Variants in CCDC144A observed in about 807,000 individuals in gnomAD.
The protein encoded by CCDC144A is coiled-coil domain-containing protein 144A.
Under a neutral mutation model 143.8 loss-of-function variants are expected in CCDC144A, and 41 were observed. That is an observed-to-expected ratio of 0.29 (90% CI 0.22 to 0.37). The LOEUF is 0.37. CCDC144A is among the 10% of genes least tolerant of loss of function. The pLI is 1.00. For synonymous variants in CCDC144A, 242 were observed against 517.9 expected, an observed-to-expected ratio of 0.47 and a Z score of 7.23; for missense variants, 637 against 1,488.8, an observed-to-expected ratio of 0.43 and a Z score of 9.41.
At position 16,758,942 on chromosome 17, in the gene CCDC144A, A is replaced by G. The variant is rs534238047; in HGVS notation, c.3373-2483A>G. Among the ~76,000 whole-genome samples, 3 of 152,358 alleles carry G rather than the reference A, an allele frequency of 2.0e-5. No individual in the cohort carries two copies. In the South Asian group the frequency reaches 6.2e-4, roughly 32 times the overall value. Reference sequence around the variant, plus strand: ...TTCACCTTGTGCTTCCTGTGAAGGAAGCACACTGTTCTGTGTAGTACGACA... The same window carrying G: ...TTCACCTTGTGCTTCCTGTGAAGGAGGCACACTGTTCTGTGTAGTACGACA... On this transcript the variant is annotated intron_variant, in intron 12 of 16. Transcript: ENST00000399273.
At chr17:16,754,291 C>A (rs1373521797) in intron 12 of CCDC144A, among the ~76,000 whole-genome samples, 2 of 152,128 alleles carry the variant, frequency 1.3e-5, no homozygotes, top group Non-Finnish European at 2.9e-5. Flanking sequence ...TTTCCTTCTA[C>A]TACATTTGAG....
chr17:16,734,067 G>A (rs536876974), intron 11 of CCDC144A, among the ~76,000 whole-genome samples: 2 of 151,604 alleles, frequency 1.3e-5, no homozygotes, highest in East Asian at 3.9e-4. Flanking sequence ...CTGAGCCCGG[G>A]AGGCCAAGGC....
At chr17:16,671,644 A>G in the CCDC144A span, among the ~76,000 whole-genome samples, 1 of 152,096 alleles carries the variant, frequency 6.6e-6, no homozygotes, top group African/African-American at 2.4e-5. Flanking sequence ...ATATATGTGG[A>G]GACATATTGG....
the CCDC144A span, among the ~76,000 whole-genome samples, chr17:16,678,269 C>T: frequency 6.6e-6 from 1 of 151,924 alleles, no homozygotes; most frequent in African/African-American, 2.4e-5. Flanking sequence ...CACTCTCCAA[C>T]AAGACTGGAA....
chr17:16,751,985 T>G (rs1382839121), intron 12 of CCDC144A, among the ~76,000 whole-genome samples: 1 of 152,222 alleles, frequency 6.6e-6, no homozygotes, highest in Non-Finnish European at 1.5e-5. Context: ...TTTCAGGCAG[T>G]GGTGCTCCCT....
rs71199406 is a variant in CCDC144A, at chr17:16,703,111, G to A, written c.416-2040G>A. Among the ~76,000 whole-genome samples, 1,088 of 144,276 alleles carry A rather than the reference G, an allele frequency of 7.5e-3. 8 individuals carry two copies. Among genetic ancestry groups the A allele is most frequent in the African/African-American group, 0.026 (999 of 38,910 alleles). The allele number at this position is 144,276 out of a possible 152,430, so 94.7% of individuals were successfully genotyped here. A position where few individuals can be genotyped will look rare whatever the true frequency, so the allele number is the denominator to read the frequency against. On this transcript the variant is annotated intron_variant, in intron 2 of 16. Transcript: ENST00000399273. ...TCTGAAACTTTTTGGCCTGGGGTTC[G>A]TTTTATATGATTAAATATTATTGCC...
At chr17:16,772,221 G>C (rs1319683590) in intron 16 of CCDC144A, among the ~76,000 whole-genome samples, 3 of 152,020 alleles carry the variant, frequency 2.0e-5, no homozygotes, top group Non-Finnish European at 4.4e-5. Flanking sequence ...ACGTTCCATA[G>C]CTTGAAAAAA....
At chr17:16,725,763 C>T (rs934519163) in intron 8 of CCDC144A, among the ~76,000 whole-genome samples, 2 of 146,374 alleles carry the variant, frequency 1.4e-5, no homozygotes, top group African/African-American at 5.1e-5. Context: ...CCTGTTACCC[C>T]AAAAGCTATT....
At chr17:16,749,794 A>C (rs142683541) in intron 12 of CCDC144A, among the ~76,000 whole-genome samples, 7 of 152,320 alleles carry the variant, frequency 4.6e-5, no homozygotes, top group African/African-American at 1.7e-4. Flanking sequence ...GTATGTATTT[A>C]GGATAGGGAT....
upstream of CCDC144A, chr17:16,689,979 G>T (rs375145420): frequency 3.2e-4 from 50 of 156,006 alleles, no homozygotes; most frequent in East Asian, 8.7e-3. Flanking sequence ...ACCTCCGAGG[G>T]AGGACCAGCC....
intron 6 of CCDC144A, among the ~76,000 whole-genome samples, chr17:16,719,454 C>T (rs1181462588): frequency 6.6e-6 from 1 of 152,168 alleles, no homozygotes; most frequent in Non-Finnish European, 1.5e-5. Flanking sequence ...AATGTGGGTT[C>T]ATCTGCTATC....
At chr17:16,682,323 G>A in the CCDC144A span, among the ~76,000 whole-genome samples, 2 of 151,856 alleles carry the variant, frequency 1.3e-5, no homozygotes, top group South Asian at 4.2e-4. Context: ...ATTGAGCTGA[G>A]AAACTATAAA....
In CCDC144A at chr17:16,746,649, A is replaced by G. The variant is rs1008894152; in HGVS notation, c.3372+11006A>G. ...TATGCTCTTGAGTAGAGATGAGGAT[A>G]AAGACTCAGGTCGGCGGCGAAGAAC... is the stretch of plus-strand genomic sequence containing the variant. On this transcript the variant is annotated intron_variant, in intron 12 of 16. Transcript: ENST00000399273. 7.4e-6 allele frequency: 12 copies of G among 1,612,226 alleles called. No individual in the cohort carries two copies. In the African/African-American group the frequency reaches 1.5e-4, roughly 20 times the overall value.
chr17:16,726,885 GTT>G (rs1417473359), intron 8 of CCDC144A, among the ~76,000 whole-genome samples: 2 of 135,902 alleles, frequency 1.5e-5, no homozygotes, highest in Non-Finnish European at 3.1e-5. Flanking sequence ...CTCTATGTCA[GTT>G]TTTTCTCTCT....
chr17:16,720,189 T>C lies in CCDC144A; in HGVS notation c.1716-9T>C. ...TATTTTTCTAAAAGGAATTGTTTTT[T>C]TTTTTCAGGCCTGCAGATAAAACAT... On this transcript the variant is annotated splice_polypyrimidine_tract_variant and intron_variant, in intron 6 of 16. Transcript: ENST00000399273. The C allele has an allele frequency of 2.6e-6, 4 of 1,516,094 alleles. No homozygotes were observed. The highest frequency in any genetic ancestry group is 1.3e-5 in the South Asian group (1 of 77,264). The allele number at this position is 1,516,094 out of a possible 1,614,324, so 93.9% of individuals were successfully genotyped here.
At chr17:16,693,316 GT>G (rs373775673) in intron 2 of CCDC144A, among the ~76,000 whole-genome samples, 9 of 147,026 alleles carry the variant, frequency 6.1e-5, no homozygotes, top group Non-Finnish European at 7.4e-5. Context: ...AAGAAAAAGT[GT>G]TTTTTTTTGT....
At chr17:16,679,090 G>T in the CCDC144A span, among the ~76,000 whole-genome samples, 1 of 66,884 alleles carries the variant, frequency 1.5e-5, no homozygotes, top group South Asian at 6.4e-4. Context: ...AGAGATGGCG[G>T]GGGGGGGTCT....
chr17:16,674,342 A>G, the CCDC144A span, among the ~76,000 whole-genome samples: 2 of 152,262 alleles, frequency 1.3e-5, no homozygotes, highest in African/African-American at 4.8e-5. Flanking sequence ...GGAGCCGGAA[A>G]AGTTGAGGCT....
chr17:16,729,963 CATATAT>C lies in CCDC144A; in HGVS notation c.2106-1813_2106-1808del, dbSNP rs59756018. Among the ~76,000 whole-genome samples, 215 of 94,076 alleles carry C rather than the reference CATATAT, an allele frequency of 2.3e-3. 5 individuals carry two copies. The highest frequency in any genetic ancestry group is 5.5e-3 in the Admixed American group (52 of 9,494). 61.7% of individuals were successfully genotyped at this position (94,076 alleles called of 152,430 possible). ...CATATTGTACCTCAGTAGGTAGTTT[CATATAT>C]ATATATATATATATATATATATACA... is the stretch of plus-strand genomic sequence containing the variant. On this transcript the variant is annotated intron_variant, in intron 9 of 16. Transcript: ENST00000399273.
Sources: gnomAD v4.1 joint callset for allele counts (sites outside exome capture counted in the v4.1 genomes callset) on GRCh38, gnomAD v4.1.1 for gene constraint, MANE v1.5 for transcripts, NCBI Gene and HGNC (gene_info 2026-07-23, HGNC 2026-07-21) for gene names.